ZNF107: variants seen among roughly 807,000 people sequenced by gnomAD.
ZNF107 encodes the protein zinc finger protein 107.
ZNF107 carries 19 observed loss-of-function variants against 12.3 expected under a neutral mutation model. The ratio of observed to expected loss-of-function variants is 1.55; its 90% CI spans 1.08 to 2.27. The LOEUF is 2.27. ZNF107 is among the 30% of genes most tolerant of loss of function. The pLI, the probability that ZNF107 is intolerant of heterozygous loss-of-function variation, is 0.00. For synonymous variants in ZNF107, 317 were observed against 330.5 expected, an observed-to-expected ratio of 0.96 and a Z score of 0.44; for missense variants, 958 against 979.9, an observed-to-expected ratio of 0.98 and a Z score of 0.30.
At chr7:64,704,814 T>C (rs1338770637) in intron 3 of ZNF107, among the ~76,000 whole-genome samples, 2 of 152,046 alleles carry the variant, frequency 1.3e-5, no homozygotes, top group Admixed American at 1.3e-4. Context: ...TAGCTGGGAG[T>C]ACAGGAGTGC....
rs1276997738 is a variant in ZNF107, at chr7:64,708,780, T to C, written c.*124T>C. 4.3e-6 allele frequency: 4 copies of C among 936,602 alleles called. No individual in the cohort carries two copies. Among genetic ancestry groups the C allele is most frequent in the Non-Finnish European group, 6.3e-6 (4 of 634,338 alleles). 58.0% of individuals were successfully genotyped at this position (936,602 alleles called of 1,614,324 possible). On this transcript the variant is annotated 3_prime_UTR_variant, in exon 4 of 4. Coordinates refer to ENST00000620827, the MANE Select transcript of ZNF107 (RefSeq NM_001282359.2). The stretch of plus-strand genomic sequence containing the variant: ...TCTGCACACACGAGGTATTTTATAC[T>C]GGTGAGAAACCTTACAATGTAAAGA...
At chr7:64,698,829 AT>A (rs895542306) in intron 3 of ZNF107, among the ~76,000 whole-genome samples, 26 of 152,106 alleles carry the variant, frequency 1.7e-4, no homozygotes, top group Non-Finnish European at 3.4e-4. Context: ...ATTTCTAAGT[AT>A]TTTTTTAAAA....
At chr7:64,693,857 C>T (rs968064526) in intron 3 of ZNF107, among the ~76,000 whole-genome samples, 10 of 151,918 alleles carry the variant, frequency 6.6e-5, no homozygotes, top group African/African-American at 1.7e-4. Context: ...GGCGTGATGT[C>T]GGCTCACTGC....
At chr7:64,679,893 C>T (rs1789585067) in intron 1 of ZNF107, among the ~76,000 whole-genome samples, 1 of 152,192 alleles carries the variant, frequency 6.6e-6, no homozygotes, top group Non-Finnish European at 1.5e-5. Flanking sequence ...CTCCCCAGCC[C>T]TTGTTCCCAA....
intron 1 of ZNF107, among the ~76,000 whole-genome samples, chr7:64,682,154 A>G (rs186006818): frequency 9.2e-5 from 14 of 151,774 alleles, no homozygotes; most frequent in Admixed American, 8.5e-4. Flanking sequence ...CTCCCAACAG[A>G]ATATCCTCCT....
chr7:64,703,590 C>T (rs1264536498), intron 3 of ZNF107, among the ~76,000 whole-genome samples: 2 of 151,912 alleles, frequency 1.3e-5, no homozygotes, highest in Non-Finnish European at 2.9e-5. Flanking sequence ...CCACCATGCC[C>T]AGCTAATTTT....
At chr7:64,699,119 GT>G (rs1022622756) in intron 3 of ZNF107, among the ~76,000 whole-genome samples, 95 of 151,346 alleles carry the variant, frequency 6.3e-4, no homozygotes, top group Middle Eastern at 6.9e-3. Context: ...ATGCCTCTTT[GT>G]TTTTTTCCAT....
intron 1 of ZNF107, chr7:64,684,735 C>T (rs1389731788): frequency 1.0e-6 from 1 of 984,610 alleles, no homozygotes; most frequent in East Asian, 1.1e-4. Context: ...ATGATCTCAT[C>T]TTTTAGGGCA....
intron 1 of ZNF107, among the ~76,000 whole-genome samples, chr7:64,686,181 A>C (rs140336700): frequency 6.6e-6 from 1 of 152,234 alleles, no homozygotes; most frequent in East Asian, 1.9e-4. Flanking sequence ...ACCAGTCTGG[A>C]CTAGTACGAG....
At chr7:64,689,319 G>A (rs1008623536) in intron 1 of ZNF107, 1 of 152,056 alleles carries the variant, frequency 6.6e-6, no homozygotes, top group African/African-American at 2.4e-5. Context: ...AAAACCAACA[G>A]GAGACATTTT....
intron 3 of ZNF107, among the ~76,000 whole-genome samples, chr7:64,704,087 G>A (rs1790561847): frequency 6.6e-6 from 1 of 151,456 alleles, no homozygotes; most frequent in Non-Finnish European, 1.5e-5. Context: ...TGTCATTGAT[G>A]TTAATTATAT....
chr7:64,666,326 G>T, intron 1 of ZNF107, 41 bp downstream of exon 1: 1 of 1,605,270 alleles, frequency 6.2e-7, no homozygotes, highest in African/African-American at 1.3e-5. Context: ...AGGGGGAGGG[G>T]CTGGTTGGAA....
intron 1 of ZNF107, chr7:64,684,847 C>G: frequency 2.1e-6 from 1 of 473,748 alleles, no homozygotes; most frequent in Non-Finnish European, 2.8e-6. Context: ...GGCCGCACTC[C>G]CACTTCCAGT....
At chr7:64,696,966 C>A (rs1002939836) in intron 3 of ZNF107, among the ~76,000 whole-genome samples, 1 of 152,062 alleles carries the variant, frequency 6.6e-6, no homozygotes, top group East Asian at 1.9e-4. Context: ...ATCCCTCCCC[C>A]CTGCCCCCAC....
At position 64,707,174 on chromosome 7, in the gene ZNF107, G is replaced by A; in HGVS notation, c.1077G>A (p.Gln359=). The A allele has an allele frequency of 6.2e-7, 1 of 1,612,022 alleles. No homozygotes were observed. Among genetic ancestry groups the A allele is most frequent in the Non-Finnish European group, 8.5e-7 (1 of 1,179,326 alleles). ...ACATATCCTCAAACCTTAATAAACA[G>A]GAGAAAATTCATACTGGAGGGAAAC... ...AFNISSNLNK[Q]EKIHTGGKLN... The change falls in exon 4 of 4, where the codon CAG becomes CAA. Residue 359 remains glutamine (Q), a synonymous_variant. Coordinates refer to ENST00000620827, the MANE Select transcript of ZNF107 (RefSeq NM_001282359.2).
intron 1 of ZNF107, among the ~76,000 whole-genome samples, chr7:64,667,296 A>G (rs1199120005): frequency 1.3e-5 from 2 of 152,182 alleles, no homozygotes. Flanking sequence ...TTTAGTGTAC[A>G]TTTTAGATAC....
At chr7:64,703,229 G>C (rs1162124192) in intron 3 of ZNF107, among the ~76,000 whole-genome samples, 1 of 152,124 alleles carries the variant, frequency 6.6e-6, no homozygotes, top group Non-Finnish European at 1.5e-5. Flanking sequence ...AGACAGTGTG[G>C]AGCAAAATCA....
chr7:64,671,315 T>C (rs1381342122), intron 1 of ZNF107, among the ~76,000 whole-genome samples: 1 of 152,152 alleles, frequency 6.6e-6, no homozygotes, highest in Non-Finnish European at 1.5e-5. Context: ...CCATTATACA[T>C]TGATGTGTCC....
intron 3 of ZNF107, among the ~76,000 whole-genome samples, chr7:64,701,345 C>A (rs1790470552): frequency 6.6e-6 from 1 of 152,000 alleles, no homozygotes; most frequent in Non-Finnish European, 1.5e-5. Flanking sequence ...TCACTGCAAC[C>A]CCTGCCTCCC....
Sources: allele counts gnomAD v4.1 joint callset (sites outside exome capture counted in the v4.1 genomes callset), GRCh38; gene constraint gnomAD v4.1.1; transcripts MANE v1.5; gene names NCBI Gene and HGNC (gene_info 2026-07-23, HGNC 2026-07-21).